TOGARAM2: variants seen among roughly 807,000 people sequenced by gnomAD.
TOGARAM2 encodes TOG array regulator of axonemal microtubules protein 2.
Under a neutral mutation model 93.3 loss-of-function variants are expected in TOGARAM2, and 85 were observed. The observed-to-expected ratio is 0.91, with a 90% CI of 0.76 to 1.09. The LOEUF (loss-of-function observed/expected upper bound fraction) is 1.09, where lower values mean the gene tolerates loss of function less well. Among genes scored for constraint, TOGARAM2 ranks in the 50% least tolerant of loss-of-function variants. The pLI, the probability that TOGARAM2 is intolerant of heterozygous loss-of-function variation, is 0.00. For missense variants in TOGARAM2, 1,277 were observed against 1,334.5 expected, an observed-to-expected ratio of 0.96 and a Z score of 0.67; for synonymous variants, 593 against 552.8, an observed-to-expected ratio of 1.07 and a Z score of -1.02.
intron 1 of TOGARAM2, among the ~76,000 whole-genome samples, chr2:28,966,268 G>A (rs1019375822): frequency 4.0e-5 from 6 of 151,878 alleles, no homozygotes; most frequent in Non-Finnish European, 8.8e-5. Flanking sequence ...CAGGATTACA[G>A]GCGTGAGCTT....
chr2:29,023,153 G>A lies in TOGARAM2; in HGVS notation c.1579G>A (p.Gly527Arg), dbSNP rs185023526. Residue 527 changes from glycine to arginine, a missense_variant, in exon 12 of 20, where the codon GGG (glycine) becomes AGG (arginine). Gly to Arg is a moderately radical substitution (Grantham distance 125, BLOSUM62 -2). Transcript: ENST00000379558. The part of the protein sequence containing the change: ...LAACHSEVLT[G>R]KLHDVCLVVT... Reference sequence around the variant, plus strand: ...AGCCTGTCACTCAGAGGTCCTCACCGGGAAGCTGCACGACGTGTGCTTGGT... The same window carrying A: ...AGCCTGTCACTCAGAGGTCCTCACCAGGAAGCTGCACGACGTGTGCTTGGT... 48 of 1,600,578 alleles carry A rather than the reference G, an allele frequency of 3.0e-5. No individual in the cohort carries two copies. In the African/African-American group the frequency reaches 4.1e-4, roughly 14 times the overall value.
chr2:29,045,422 C>T lies in TOGARAM2; in HGVS notation c.2722+12C>T. 1.3e-6 allele frequency: 2 copies of T among 1,571,358 alleles called. No individual in the cohort carries two copies. The highest frequency in any genetic ancestry group is 1.7e-6 in the Non-Finnish European group (2 of 1,147,130). On this transcript the variant is annotated intron_variant, in intron 19 of 19. Transcript: ENST00000379558. Reference sequence around the variant, plus strand: ...AGATCGCCTGGCAGGTGAGCACCCCCAGCCCCACCCCACCCCATCTCCTGG... The same window carrying T: ...AGATCGCCTGGCAGGTGAGCACCCCTAGCCCCACCCCACCCCATCTCCTGG...
chr2:28,971,582 T>G (rs1463790778), intron 1 of TOGARAM2, among the ~76,000 whole-genome samples: 1 of 152,156 alleles, frequency 6.6e-6, no homozygotes. Flanking sequence ...TTTTTTGAGG[T>G]GGGAAGCCAC....
At chr2:28,964,955 T>C (rs1015122234) in intron 1 of TOGARAM2, among the ~76,000 whole-genome samples, 3 of 152,204 alleles carry the variant, frequency 2.0e-5, no homozygotes, top group Non-Finnish European at 2.9e-5. Context: ...AACATATGCG[T>C]GTATGTATCT....
chr2:29,004,626 ATG>A (rs1422557829), intron 6 of TOGARAM2, among the ~76,000 whole-genome samples: 4 of 85,806 alleles, frequency 4.7e-5, no homozygotes, highest in East Asian at 2.7e-4. Context: ...GCCTGCAGGT[ATG>A]TGTGAGTGTA....
At chr2:28,983,394 T>G (rs1287625035) in intron 1 of TOGARAM2, among the ~76,000 whole-genome samples, 1 of 151,746 alleles carries the variant, frequency 6.6e-6, no homozygotes, top group African/African-American at 2.4e-5. Flanking sequence ...TCTTTGAACT[T>G]TATAGAAGTA....
chr2:28,977,022 G>A (rs1029576191), upstream of TOGARAM2, among the ~76,000 whole-genome samples: 2 of 152,116 alleles, frequency 1.3e-5, no homozygotes, highest in African/African-American at 4.8e-5. Context: ...TACCTGGGGG[G>A]GCGTGGCCTG....
chr2:29,000,408 G>A (rs895936116), intron 4 of TOGARAM2, among the ~76,000 whole-genome samples: 1 of 152,076 alleles, frequency 6.6e-6, no homozygotes, highest in Non-Finnish European at 1.5e-5. Context: ...CCTCCTCTGT[G>A]GAATGGGGAC....
At chr2:28,959,423 C>T (rs1227797492) in intron 1 of TOGARAM2, among the ~76,000 whole-genome samples, 3 of 152,026 alleles carry the variant, frequency 2.0e-5, no homozygotes, top group Admixed American at 6.6e-5. Context: ...ACTTCTTTTC[C>T]CAACTTAGGA....
chr2:29,014,310 C>T (rs1027801661), intron 7 of TOGARAM2, 85 bp from the exon 8 acceptor site: 18 of 1,466,116 alleles, frequency 1.2e-5, no homozygotes, highest in Middle Eastern at 2.4e-4. Flanking sequence ...TGGGGCTTAG[C>T]AGTAGAATTG....
intron 1 of TOGARAM2, among the ~76,000 whole-genome samples, chr2:28,973,964 A>C (rs1671990635): frequency 6.6e-6 from 1 of 152,048 alleles, no homozygotes; most frequent in Non-Finnish European, 1.5e-5. Flanking sequence ...TTTTCTTTCA[A>C]TATTTGAAAA....
chr2:28,987,018 T>C (rs1672498352), intron 1 of TOGARAM2, among the ~76,000 whole-genome samples: 1 of 152,232 alleles, frequency 6.6e-6, no homozygotes, highest in Admixed American at 6.5e-5. Flanking sequence ...CCTGAAATAC[T>C]GCCACCTCCG....
At chr2:29,005,183 T>C (rs1673625737) in intron 6 of TOGARAM2, among the ~76,000 whole-genome samples, 1 of 125,154 alleles carries the variant, frequency 8.0e-6, no homozygotes, top group East Asian at 2.5e-4. Flanking sequence ...AGGGCATATG[T>C]GTGCAGTGTG....
intron 1 of TOGARAM2, among the ~76,000 whole-genome samples, chr2:28,967,944 G>T (rs1006405294): frequency 2.6e-5 from 4 of 151,474 alleles, no homozygotes; most frequent in Non-Finnish European, 4.4e-5. Flanking sequence ...TCAGCCTCCC[G>T]GGTAGCTGGG....
chr2:28,962,282 T>G (rs1671812918), intron 1 of TOGARAM2, among the ~76,000 whole-genome samples: 1 of 151,774 alleles, frequency 6.6e-6, no homozygotes, highest in African/African-American at 2.4e-5. Context: ...TTCAAGCAAT[T>G]CTCCTGCCTC....
At chr2:28,989,626 T>G (rs1018526862) in intron 1 of TOGARAM2, among the ~76,000 whole-genome samples, 1 of 151,758 alleles carries the variant, frequency 6.6e-6, no homozygotes, top group Non-Finnish European at 1.5e-5. Context: ...TTGCCCAGGC[T>G]GGTCTTGAAC....
In TOGARAM2 at chr2:29,003,969, G is replaced by A. The variant is rs915379526; in HGVS notation, c.830+287G>A. Among the ~76,000 whole-genome samples the A allele has an allele frequency of 2.0e-5, 3 of 152,362 alleles. No homozygotes were observed. The South Asian group carries it at 6.2e-4, about 32-fold the overall frequency. On this transcript the variant is annotated intron_variant, in intron 6 of 19. Coordinates refer to ENST00000379558, the MANE Select transcript of TOGARAM2 (RefSeq NM_199280.4). Reference sequence around the variant, plus strand: ...TGCCTTAGTGGATGAGGTTGCCGGAGTAATGAATAAAACACTAATTATTTT... The same window carrying A: ...TGCCTTAGTGGATGAGGTTGCCGGAATAATGAATAAAACACTAATTATTTT...
chr2:29,023,292 G>A (rs951195566), intron 12 of TOGARAM2, 101 bp downstream of exon 12: 11 of 943,940 alleles, frequency 1.2e-5, no homozygotes, highest in Admixed American at 2.5e-5. Flanking sequence ...AGGGACATGG[G>A]GATCCCTGCT....
At chr2:29,035,719 T>C in intron 17 of TOGARAM2, 63 bp downstream of exon 17, 1 of 1,296,990 alleles carries the variant, frequency 7.7e-7, no homozygotes, top group Non-Finnish European at 1.0e-6. Context: ...ACTTGAAGTT[T>C]GAAAACTCTG....
Sources: allele counts gnomAD v4.1 joint callset (sites outside exome capture counted in the v4.1 genomes callset), GRCh38; gene constraint gnomAD v4.1.1; transcripts MANE v1.5; gene names NCBI Gene and HGNC (gene_info 2026-07-23, HGNC 2026-07-21).